Variants in NCK1 observed in about 807,000 individuals in gnomAD.
NCK1 encodes SH2/SH3 adapter protein NCK1.
In NCK1, 19 loss-of-function variants were observed where a neutral mutation model predicts 36.6. That is an observed-to-expected ratio of 0.52 (90% CI 0.36 to 0.76). The LOEUF is 0.76. Among genes scored for constraint, NCK1 ranks in the 30% least tolerant of loss-of-function variants. NCK1 has a pLI of 0.00. For synonymous variants in NCK1, 165 were observed against 156.0 expected, an observed-to-expected ratio of 1.06 and a Z score of -0.43; for missense variants, 358 against 445.6, an observed-to-expected ratio of 0.80 and a Z score of 1.77.
At chr3:136,924,434 A>G (rs553716629) in intron 1 of NCK1, among the ~76,000 whole-genome samples, 1 of 152,312 alleles carries the variant, frequency 6.6e-6, no homozygotes, top group South Asian at 2.1e-4. Context: ...GAAAGAGAAC[A>G]GTGTCAGAGA....
At chr3:136,927,662 C>T (rs577438016) in intron 1 of NCK1, among the ~76,000 whole-genome samples, 2 of 152,218 alleles carry the variant, frequency 1.3e-5, no homozygotes, top group South Asian at 2.1e-4. Flanking sequence ...GCTGGGACTA[C>T]GGGTGTGCAC....
At chr3:136,867,051 T>G (rs201450241) in intron 1 of NCK1, among the ~76,000 whole-genome samples, 67,378 of 97,852 alleles carry the variant, frequency 0.69, 20,060 homozygotes, top group South Asian at 0.74. Context: ...TGCTTGCTTT[T>G]CTTTCTTTCT....
chr3:136,872,108 C>CAG (rs1938640653), intron 1 of NCK1, among the ~76,000 whole-genome samples: 1 of 152,096 alleles, frequency 6.6e-6, no homozygotes, highest in Admixed American at 6.6e-5. Flanking sequence ...GGGTAACAGG[C>CAG]AGAGGTTGGA....
At chr3:136,938,543 G>GC (rs2108142765) in intron 2 of NCK1, among the ~76,000 whole-genome samples, 1 of 152,174 alleles carries the variant, frequency 6.6e-6, no homozygotes, top group South Asian at 2.1e-4. Flanking sequence ...GCATTTTTGT[G>GC]CTTGTTGATG....
intron 1 of NCK1, among the ~76,000 whole-genome samples, chr3:136,902,184 GTTTTTT>G (rs59203615): frequency 1.0e-4 from 7 of 68,164 alleles, no homozygotes; most frequent in African/African-American, 3.5e-4. Context: ...TTAACTCTTT[GTTTTTT>G]TTTTTTTTTT....
chr3:136,899,626 T>A lies in NCK1; in HGVS notation c.-18-28358T>A, dbSNP rs1275922807. The A allele has an allele frequency of 6.2e-5, 42 of 675,760 alleles. 1 individual carries two copies. In the Admixed American group the frequency reaches 8.5e-4, roughly 14 times the overall value. 41.9% of individuals were successfully genotyped at this position (675,760 alleles called of 1,614,324 possible). A position where few individuals can be genotyped will look rare whatever the true frequency, so the allele number is the denominator to read the frequency against. On this transcript the variant is annotated intron_variant, in intron 1 of 3. Coordinates refer to ENST00000481752, the MANE Select transcript of NCK1 (RefSeq NM_001291999.2). ...GCAGCTTTAGATGCTGCTTTTCTTTTCCCTTGAATACCACCATTGTCTTTC... is the reference window on the plus strand; with the variant it reads ...GCAGCTTTAGATGCTGCTTTTCTTTACCCTTGAATACCACCATTGTCTTTC...
intron 2 of NCK1, among the ~76,000 whole-genome samples, chr3:136,935,888 A>G (rs1276416040): frequency 1.3e-5 from 2 of 152,094 alleles, no homozygotes; most frequent in African/African-American, 4.8e-5. Context: ...TTCTGTCTCT[A>G]TGGATTTACC....
intron 1 of NCK1, chr3:136,867,414 T>TTTTC (rs1408155873): frequency 1.4e-5 from 2 of 140,050 alleles, no homozygotes; most frequent in Non-Finnish European, 3.1e-5. Context: ...AATTTTTTTT[T>TTTTC]TTTTTTTTTT....
At chr3:136,910,660 C>T (rs949677520) in intron 1 of NCK1, among the ~76,000 whole-genome samples, 3 of 152,108 alleles carry the variant, frequency 2.0e-5, no homozygotes, top group Non-Finnish European at 4.4e-5. Flanking sequence ...TGTTAATTGA[C>T]AAATCATAAT....
intron 1 of NCK1, among the ~76,000 whole-genome samples, chr3:136,916,282 T>C (rs1052681436): frequency 6.6e-6 from 1 of 152,162 alleles, no homozygotes; most frequent in African/African-American, 2.4e-5. Context: ...TGAGGGGGAA[T>C]TGGAATTAAG....
At chr3:136,941,289 C>T (rs1270716577) in intron 2 of NCK1, among the ~76,000 whole-genome samples, 1 of 151,686 alleles carries the variant, frequency 6.6e-6, no homozygotes, top group Admixed American at 6.6e-5. Context: ...CGATGCCTGG[C>T]TAATTTTTTG....
intron 1 of NCK1, among the ~76,000 whole-genome samples, chr3:136,921,747 A>T (rs567065191): frequency 1.3e-5 from 2 of 152,320 alleles, no homozygotes; most frequent in East Asian, 3.9e-4. Context: ...AAGGTTGAGT[A>T]TGCTAAGGGA....
intron 1 of NCK1, among the ~76,000 whole-genome samples, chr3:136,864,944 A>ATT (rs1938369844): frequency 8.4e-6 from 1 of 119,706 alleles, no homozygotes; most frequent in Non-Finnish European, 1.7e-5. Context: ...ATATATATAT[A>ATT]TTTTTCTTTT....
At position 136,862,368 on chromosome 3, in the gene NCK1, T is replaced by G. The variant is rs1053771846; in HGVS notation, c.-19+15T>G. On this transcript the variant is annotated intron_variant, in intron 1 of 3. Transcript: ENST00000481752. ...GCAGCGGGAAGGTGAGACGGCCTTG[T>G]TGGCAGGCAGACACACACACACCCC... 1.3e-5 allele frequency: 2 copies of G among 152,694 alleles called. No homozygotes were observed. Among genetic ancestry groups the G allele is most frequent in the Non-Finnish European group, 2.9e-5 (2 of 68,338 alleles). 9.5% of individuals were successfully genotyped at this position (152,694 alleles called of 1,614,324 possible).
intron 1 of NCK1, among the ~76,000 whole-genome samples, chr3:136,876,323 T>G (rs1225293033): frequency 6.6e-6 from 1 of 151,850 alleles, no homozygotes; most frequent in Non-Finnish European, 1.5e-5. Context: ...CTGAAAGAAA[T>G]AGAGACACAA....
intron 1 of NCK1, among the ~76,000 whole-genome samples, chr3:136,914,907 T>C (rs1939920046): frequency 3.3e-5 from 5 of 152,200 alleles, no homozygotes; most frequent in Admixed American, 2.0e-4. Flanking sequence ...TCTCACTATA[T>C]TAGTTCCTGT....
chr3:136,939,705 T>C (rs1471694282), intron 2 of NCK1, among the ~76,000 whole-genome samples: 1 of 152,114 alleles, frequency 6.6e-6, no homozygotes, highest in Non-Finnish European at 1.5e-5. Flanking sequence ...TGGTGACCTA[T>C]TGGTTTAAGA....
chr3:136,887,531 G>C (rs534161541), intron 1 of NCK1, among the ~76,000 whole-genome samples: 2 of 152,210 alleles, frequency 1.3e-5, no homozygotes, highest in South Asian at 4.1e-4. Context: ...CTGTGCCTTA[G>C]TATCGACTTG....
chr3:136,878,857 C>T (rs1938850284), intron 1 of NCK1, among the ~76,000 whole-genome samples: 1 of 152,094 alleles, frequency 6.6e-6, no homozygotes, highest in Admixed American at 6.6e-5. Flanking sequence ...AAGCGTTCTA[C>T]AGAAAACACT....
Sources: allele counts gnomAD v4.1 joint callset (sites outside exome capture counted in the v4.1 genomes callset), GRCh38; gene constraint gnomAD v4.1.1; transcripts MANE v1.5; gene names NCBI Gene and HGNC (gene_info 2026-07-23, HGNC 2026-07-21).